LAMA3: variants seen among roughly 807,000 people sequenced by gnomAD.
The protein encoded by LAMA3 is laminin subunit alpha 3.
LAMA3 carries 281 observed loss-of-function variants against 402.0 expected under a neutral mutation model. The ratio of observed to expected loss-of-function variants is 0.70; its 90% CI spans 0.63 to 0.77. The LOEUF is 0.77. Among genes scored for constraint, LAMA3 ranks in the 30% least tolerant of loss-of-function variants. LAMA3 has a pLI of 0.00. For missense variants in LAMA3, 3,840 were observed against 4,215.5 expected, an observed-to-expected ratio of 0.91 and a Z score of 2.47; for synonymous variants, 1,431 against 1,558.4, an observed-to-expected ratio of 0.92 and a Z score of 1.93.
intron 13 of LAMA3, among the ~76,000 whole-genome samples, chr18:23,812,017 G>T (rs1423838666): frequency 6.6e-6 from 1 of 152,002 alleles, no homozygotes; most frequent in Non-Finnish European, 1.5e-5. Context: ...GGGATTACAG[G>T]CATGTGCCAC....
intron 12 of LAMA3, among the ~76,000 whole-genome samples, chr18:23,789,318 C>T (rs1165474231): frequency 6.6e-6 from 1 of 152,134 alleles, no homozygotes; most frequent in Admixed American, 6.5e-5. Context: ...ATCTATTCTT[C>T]AGTGTATATC....
chr18:23,926,367 A>G (rs2145356645), intron 62 of LAMA3, among the ~76,000 whole-genome samples: 1 of 152,264 alleles, frequency 6.6e-6, no homozygotes, highest in East Asian at 1.9e-4. Flanking sequence ...TGTCCAAGAG[A>G]TATGTTGAAA....
chr18:23,834,191 C>T (rs564846175), intron 24 of LAMA3: 16 of 610,660 alleles, frequency 2.6e-5, no homozygotes, highest in African/African-American at 1.8e-4. Context: ...AAAAATGTGG[C>T]ATTTTCTTAA....
intron 32 of LAMA3, among the ~76,000 whole-genome samples, chr18:23,856,297 C>G (rs935120906): frequency 1.3e-4 from 20 of 152,178 alleles, no homozygotes; most frequent in African/African-American, 4.8e-4. Flanking sequence ...TCGTATTTAA[C>G]TTTTTTAGGA....
At chr18:23,789,631 A>C (rs540206743) in intron 12 of LAMA3, among the ~76,000 whole-genome samples, 2 of 152,212 alleles carry the variant, frequency 1.3e-5, no homozygotes, top group Non-Finnish European at 2.9e-5. Context: ...ATAGAGATTG[A>C]AAGCAGATTT....
intron 8 of LAMA3, among the ~76,000 whole-genome samples, chr18:23,765,037 A>G (rs2062047440): frequency 1.3e-5 from 2 of 152,246 alleles, no homozygotes; most frequent in Admixed American, 6.5e-5. Flanking sequence ...ACTGAAGAGT[A>G]AAAATAAGCA....
In LAMA3 at chr18:23,848,877, AG is replaced by A. The variant is rs1278523942; in HGVS notation, c.4136+1211del. Among the ~76,000 whole-genome samples, 4 of 92,048 alleles carry A rather than the reference AG, an allele frequency of 4.3e-5. No homozygotes were observed. In the East Asian group the frequency reaches 8.2e-4, roughly 19 times the overall value. The allele number at this position is 92,048 out of a possible 152,430, so 60.4% of individuals were successfully genotyped here. A position where few individuals can be genotyped will look rare whatever the true frequency, so the allele number is the denominator to read the frequency against. ...GCCTTTCTCTTCGCTTCTGGTGTGC[AG>A]GTATTCCTGGGGGAGTCCCTGGGCT... On this transcript the variant is annotated intron_variant, in intron 32 of 74. Coordinates refer to ENST00000313654, the MANE Select transcript of LAMA3 (RefSeq NM_198129.4).
At chr18:23,905,769 C>T (rs978676519) in intron 52 of LAMA3, 145 bp downstream of exon 52, 5 of 439,750 alleles carry the variant, frequency 1.1e-5, no homozygotes, top group South Asian at 8.0e-5. Flanking sequence ...TATTTTATTA[C>T]TATTATTATT....
At chr18:23,824,357 A>C in intron 20 of LAMA3, 66 bp from the exon 21 acceptor site, 1 of 1,537,034 alleles carries the variant, frequency 6.5e-7, no homozygotes, top group Non-Finnish European at 9.0e-7. Flanking sequence ...TTCAAAACTG[A>C]ATATCTAAAA....
At chr18:23,842,326 A>G in intron 27 of LAMA3, 69 bp from the exon 28 acceptor site, 2 of 1,581,872 alleles carry the variant, frequency 1.3e-6, no homozygotes, top group Non-Finnish European at 1.7e-6. Flanking sequence ...ATACTCTATG[A>G]TTCCAGTTAT....
rs2082079027 is a variant in LAMA3 at position 23,928,697 on chromosome 18, C to A, written c.8368C>A (p.His2790Asn). The A allele has an allele frequency of 6.2e-7, 1 of 1,613,486 alleles. No homozygotes were observed. The highest frequency in any genetic ancestry group is 8.5e-7 in the Non-Finnish European group (1 of 1,179,534). The part of the protein sequence containing the change: ...FTDLGLPPTD[H>N]LQASFGFQTF... Reference sequence around the variant, plus strand: ...TGATTTGGGCTTACCACCTACTGACCACCTCCAGGCCTCATTTGGATTTCA... The same window carrying A: ...TGATTTGGGCTTACCACCTACTGACAACCTCCAGGCCTCATTTGGATTTCA... Residue 2790 changes from histidine to asparagine, a missense_variant, in exon 64 of 75, where the codon CAC (histidine) becomes AAC (asparagine). Transcript: ENST00000313654.
chr18:23,871,546 G>C lies in LAMA3; in HGVS notation c.4883G>C (p.Arg1628Thr). 1 of 1,614,220 alleles carries C rather than the reference G, an allele frequency of 6.2e-7. No individual in the cohort carries two copies. Among genetic ancestry groups the C allele is most frequent in the Non-Finnish European group, 8.5e-7 (1 of 1,180,038 alleles). ...IQGLYFTETQ[R>T]LTLSEVGLEE... ...GGCCTCTACTTCACAGAGACTCAAA[G>C]GCTCACCCTGAGCGAGGTGGGGCTA... The change falls in exon 38 of 75, where the codon AGG (arginine) becomes ACG (threonine). Residue 1628 changes from arginine (R) to threonine (T), a missense_variant. Transcript: ENST00000313654.
At position 23,899,316 on chromosome 18, in the gene LAMA3, T is replaced by C. The variant is rs151037092; in HGVS notation, c.5865T>C (p.Asp1955=). ...HILLKQISGT[D]GEGNNVPSGD... ...TTTTAAAGCAGATCTCTGGGACAGA[T>C]GGAGAGGGAAACAACGTGCCTTCAG... Residue 1955 remains aspartate (D), a synonymous_variant, in exon 47 of 75, where the codon GAT becomes GAC. Coordinates refer to ENST00000313654, the MANE Select transcript of LAMA3 (RefSeq NM_198129.4). The C allele has an allele frequency of 6.2e-6, 10 of 1,613,916 alleles. No homozygotes were observed. The Middle Eastern group carries it at 6.6e-4, about 106-fold the overall frequency.
At chr18:23,925,535 T>C (rs2081978681) in intron 62 of LAMA3, among the ~76,000 whole-genome samples, 1 of 152,182 alleles carries the variant, frequency 6.6e-6, no homozygotes, top group South Asian at 2.1e-4. Flanking sequence ...AACACCAAGA[T>C]TAGGGCTGCC....
intron 10 of LAMA3, among the ~76,000 whole-genome samples, chr18:23,776,227 T>C (rs761713766): frequency 5.9e-5 from 9 of 152,172 alleles, no homozygotes; most frequent in South Asian, 4.1e-4. Context: ...TCCTCCTAAA[T>C]GTAGGAGAAA....
intron 9 of LAMA3, among the ~76,000 whole-genome samples, chr18:23,775,185 G>A (rs1035805967): frequency 1.3e-5 from 2 of 152,218 alleles, no homozygotes; most frequent in Non-Finnish European, 2.9e-5. Context: ...CCAAGTGGGA[G>A]GTCGACAATC....
intron 39 of LAMA3, among the ~76,000 whole-genome samples, chr18:23,880,645 G>A (rs978059628): frequency 2.0e-5 from 3 of 152,206 alleles, no homozygotes; most frequent in Non-Finnish European, 2.9e-5. Flanking sequence ...TTGGGAGGCC[G>A]AGGCGGGCGA....
At chr18:23,808,630 C>G (rs925398766) in intron 12 of LAMA3, among the ~76,000 whole-genome samples, 1 of 152,192 alleles carries the variant, frequency 6.6e-6, no homozygotes, top group Non-Finnish European at 1.5e-5. Flanking sequence ...AGTCACATAG[C>G]CTGTTGAAAC....
intron 14 of LAMA3, among the ~76,000 whole-genome samples, chr18:23,813,557 T>C (rs575754415): frequency 4.3e-4 from 62 of 144,460 alleles, no homozygotes; most frequent in East Asian, 9.9e-4. Context: ...TTCTTTCTTT[T>C]TTTTTTTTTT....
Sources: gnomAD v4.1 joint callset for allele counts (sites outside exome capture counted in the v4.1 genomes callset) on GRCh38, gnomAD v4.1.1 for gene constraint, MANE v1.5 for transcripts, NCBI Gene and HGNC (gene_info 2026-07-23, HGNC 2026-07-21) for gene names.